Variants in FAM107B observed in about 807,000 individuals in gnomAD.
The protein encoded by FAM107B is protein FAM107B.
A neutral mutation model predicts 31.5 loss-of-function variants in FAM107B; 21 were observed. The observed-to-expected ratio is 0.67, with a 90% CI of 0.47 to 0.96. FAM107B has a LOEUF of 0.96. Among genes scored for constraint, FAM107B ranks in the 40% least tolerant of loss-of-function variants. FAM107B has a pLI of 0.00. For synonymous variants in FAM107B, 157 were observed against 141.5 expected (o/e 1.11, Z -0.78); for missense variants, 452 against 377.1 (o/e 1.20, Z -1.64).
intron 2 of FAM107B, among the ~76,000 whole-genome samples, chr10:14,564,270 A>T (rs1052764143): frequency 3.9e-5 from 6 of 152,076 alleles, no homozygotes; most frequent in African/African-American, 1.4e-4. Context: ...ACTTCTGCTT[A>T]AAAAAAGACT....
intron 1 of FAM107B, among the ~76,000 whole-genome samples, chr10:14,676,148 G>A (rs1365526107): frequency 6.6e-6 from 1 of 152,154 alleles, no homozygotes; most frequent in African/African-American, 2.4e-5. Context: ...GACAGAGCAA[G>A]ACTCTGTCTC....
chr10:14,742,887 A>G (rs1024271786), intron 1 of FAM107B, among the ~76,000 whole-genome samples: 1 of 152,000 alleles, frequency 6.6e-6, no homozygotes, highest in African/African-American at 2.4e-5. Flanking sequence ...CCACCACTCC[A>G]CTGCGACAAC....
At chr10:14,588,157 T>C (rs1040953733) in intron 2 of FAM107B, among the ~76,000 whole-genome samples, 1 of 152,070 alleles carries the variant, frequency 6.6e-6, no homozygotes, top group Non-Finnish European at 1.5e-5. Context: ...TAGTCAGCCA[T>C]GTGCTCACGT....
chr10:14,575,711 A>G (rs1043588894), intron 2 of FAM107B, among the ~76,000 whole-genome samples: 6 of 152,182 alleles, frequency 3.9e-5, no homozygotes, highest in African/African-American at 1.4e-4. Flanking sequence ...TTACATCACA[A>G]TGCAGACAGA....
intron 1 of FAM107B, among the ~76,000 whole-genome samples, chr10:14,692,381 T>C (rs1678878220): frequency 6.6e-6 from 1 of 152,192 alleles, no homozygotes; most frequent in African/African-American, 2.4e-5. Context: ...CAGGCTGTTC[T>C]ACTTGTGAGT....
At chr10:14,564,826 A>G (rs1490517618) in intron 2 of FAM107B, among the ~76,000 whole-genome samples, 1 of 152,258 alleles carries the variant, frequency 6.6e-6, no homozygotes, top group Non-Finnish European at 1.5e-5. Context: ...GATATTTCTA[A>G]TATCTCAAGA....
At chr10:14,723,039 T>C in intron 1 of FAM107B, 4 of 346,678 alleles carry the variant, frequency 1.2e-5, no homozygotes, top group South Asian at 9.5e-5. Context: ...ATGTGTCTTA[T>C]ATTTAGGTCT....
intron 2 of FAM107B, among the ~76,000 whole-genome samples, chr10:14,611,806 T>G (rs1188820526): frequency 2.0e-5 from 3 of 151,900 alleles, no homozygotes; most frequent in African/African-American, 7.3e-5. Flanking sequence ...TCTTCTAAGC[T>G]CATTCATTTA....
intron 1 of FAM107B, among the ~76,000 whole-genome samples, chr10:14,706,381 C>G (rs984248209): frequency 6.6e-6 from 1 of 152,088 alleles, no homozygotes; most frequent in African/African-American, 2.4e-5. Context: ...GAACACACCA[C>G]CATGCCTGGC....
intron 2 of FAM107B, chr10:14,604,124 C>T (rs1012111570): frequency 3.6e-5 from 20 of 563,062 alleles, no homozygotes; most frequent in African/African-American, 3.5e-4. Context: ...ACCCCCCACC[C>T]GCCCGGCCGC....
rs139667408 is a variant in FAM107B, at chr10:14,723,592, A to C, written c.411+50661T>G. 2,936 of 677,206 alleles carry C rather than the reference A, an allele frequency of 4.3e-3. 56 individuals carry two copies. Among genetic ancestry groups the C allele is most frequent in the East Asian group, 0.028 (1,018 of 36,656 alleles). The allele number at this position is 677,206 out of a possible 1,614,324, so 41.9% of individuals were successfully genotyped here. Reference sequence around the variant, plus strand: ...GCATGGAAAGGCTATGTCCACATAGAACAGAGGGGAATCTGTGTGACACAG... The same window carrying C: ...GCATGGAAAGGCTATGTCCACATAGCACAGAGGGGAATCTGTGTGACACAG... On this transcript the variant is annotated intron_variant, in intron 1 of 4. Transcript: ENST00000181796.
intron 2 of FAM107B, among the ~76,000 whole-genome samples, chr10:14,642,782 C>G (rs1853660734): frequency 6.6e-6 from 1 of 152,182 alleles, no homozygotes; most frequent in Non-Finnish European, 1.5e-5. Flanking sequence ...AACTACTCAG[C>G]TAAATATCCA....
At chr10:14,631,780 C>T (rs1167171967) in intron 2 of FAM107B, among the ~76,000 whole-genome samples, 1 of 152,196 alleles carries the variant, frequency 6.6e-6, no homozygotes, top group Non-Finnish European at 1.5e-5. Flanking sequence ...GAGCATTCCT[C>T]TCCAATGCCA....
chr10:14,697,750 T>C (rs1158684448), intron 1 of FAM107B, among the ~76,000 whole-genome samples: 3 of 152,220 alleles, frequency 2.0e-5, no homozygotes, highest in African/African-American at 7.2e-5. Context: ...CTAGACTGTT[T>C]CTACAATGTT....
At chr10:14,758,857 A>AGAGTG (rs1262577897) in intron 1 of FAM107B, among the ~76,000 whole-genome samples, 1 of 147,290 alleles carries the variant, frequency 6.8e-6, no homozygotes. Context: ...CTGGGCAACA[A>AGAGTG]AGCAAGACCC....
chr10:14,712,716 A>G (rs79602216), intron 1 of FAM107B, among the ~76,000 whole-genome samples: 1 of 152,188 alleles, frequency 6.6e-6, no homozygotes, highest in Non-Finnish European at 1.5e-5. Flanking sequence ...ATTGCTGGGA[A>G]GAGGTTTTAA....
intron 2 of FAM107B, among the ~76,000 whole-genome samples, chr10:14,611,046 T>G (rs717068): frequency 0.49 from 74,880 of 152,022 alleles, 19,130 homozygotes; most frequent in Admixed American, 0.59. Flanking sequence ...GAGAAACAGC[T>G]GTTACTCACA....
chr10:14,722,299 C>G (rs949349452), intron 1 of FAM107B, among the ~76,000 whole-genome samples: 2 of 152,186 alleles, frequency 1.3e-5, no homozygotes, highest in African/African-American at 4.8e-5. Flanking sequence ...TGATATGTGG[C>G]ATTTGTGAAT....
chr10:14,554,702 A>G (rs1309485235), intron 2 of FAM107B, among the ~76,000 whole-genome samples: 1 of 152,234 alleles, frequency 6.6e-6, no homozygotes, highest in Non-Finnish European at 1.5e-5. Flanking sequence ...GCAGCTAATA[A>G]GTTTCAACAG....
Sources: gnomAD v4.1 joint callset for allele counts (sites outside exome capture counted in the v4.1 genomes callset) on GRCh38, gnomAD v4.1.1 for gene constraint, MANE v1.5 for transcripts, NCBI Gene and HGNC (gene_info 2026-07-23, HGNC 2026-07-21) for gene names.